Variants in RAI1 observed in about 807,000 individuals in gnomAD.
RAI1 encodes retinoic acid induced 1.
A neutral mutation model predicts 123.8 loss-of-function variants in RAI1; 9 were observed. That is an observed-to-expected ratio of 0.07 (90% CI 0.04 to 0.13). The LOEUF is 0.13. RAI1 is among the 10% of genes least tolerant of loss of function. The pLI is 1.00. For synonymous variants in RAI1, 1,231 were observed against 1,127.3 expected (o/e 1.09, Z -1.84); for missense variants, 2,256 against 2,545.8 (o/e 0.89, Z 2.45).
At chr17:17,767,808 T>A (rs146217958) in intron 2 of RAI1, among the ~76,000 whole-genome samples, 80 of 152,290 alleles carry the variant, frequency 5.3e-4, no homozygotes, top group African/African-American at 1.8e-3. Context: ...ATTCCAGCCT[T>A]GCTACTCACA....
At chr17:17,785,016 C>A (rs1010618249) in intron 2 of RAI1, among the ~76,000 whole-genome samples, 5 of 152,186 alleles carry the variant, frequency 3.3e-5, no homozygotes, top group Non-Finnish European at 7.4e-5. Context: ...CCCCCATGGG[C>A]CCCTGGGTGT....
rs185410313 is a variant in RAI1 at position 17,798,767 on chromosome 17, C to T, written c.5565+254C>T. On this transcript the variant is annotated intron_variant, in intron 3 of 5. Coordinates refer to ENST00000353383, the MANE Select transcript of RAI1 (RefSeq NM_030665.4). ...CGGGGCCCGTATGCCCAGCCACCGC[C>T]ACTCTCCCACTCACCTGGCATCTTC... is the stretch of plus-strand genomic sequence containing the variant. 2.3e-4 allele frequency among the ~76,000 whole-genome samples: 35 copies of T among 152,300 alleles called. No homozygotes were observed. In the East Asian group the frequency reaches 3.7e-3, roughly 16 times the overall value.
intron 2 of RAI1, among the ~76,000 whole-genome samples, chr17:17,744,789 C>CAAAAA (rs58984430): frequency 1.3e-3 from 59 of 46,768 alleles, no homozygotes; most frequent in African/African-American, 4.7e-3. Context: ...GACTCCGTCT[C>CAAAAA]AAAAAAAAAA....
rs1197948621 is a variant in RAI1 at position 17,800,489 on chromosome 17, C to T, written c.5565+1976C>T. On this transcript the variant is annotated intron_variant, in intron 3 of 5. Coordinates refer to ENST00000353383, the MANE Select transcript of RAI1 (RefSeq NM_030665.4). This position sits in a 1 kb window ranked among gnomAD's most constrained non-coding sequence, Gnocchi z 4.7. ...CTGGCCGGCCGAAGGGAGGAGGGGT[C>T]AGCCCCGAGCACCGACCACCCCATC... is the stretch of plus-strand genomic sequence containing the variant. Among the ~76,000 whole-genome samples the T allele has an allele frequency of 1.3e-5, 2 of 152,226 alleles. No homozygotes were observed. Among genetic ancestry groups the T allele is most frequent in the African/African-American group, 2.4e-5 (1 of 41,460 alleles).
chr17:17,803,570 TAG>T (rs2032529476), intron 3 of RAI1, among the ~76,000 whole-genome samples, 184 bp from the exon 4 acceptor site: 1 of 152,096 alleles, frequency 6.6e-6, no homozygotes, highest in African/African-American at 2.4e-5. Context: ...CTATTTTTTG[TAG>T]AGACAGTTTC....
intron 1 of RAI1, among the ~76,000 whole-genome samples, chr17:17,693,169 GC>G (rs1464712572): frequency 1.3e-5 from 2 of 152,198 alleles, no homozygotes; most frequent in Non-Finnish European, 2.9e-5. Context: ...ACCATGTGAC[GC>G]CCCCGTGCAG....
chr17:17,782,929 C>T (rs2031652168), intron 2 of RAI1, among the ~76,000 whole-genome samples: 2 of 152,238 alleles, frequency 1.3e-5, no homozygotes, highest in Admixed American at 6.5e-5. Flanking sequence ...CTGCGCGCCC[C>T]TTGCCGCCGC....
intron 1 of RAI1, among the ~76,000 whole-genome samples, chr17:17,695,380 C>T (rs151197890): frequency 3.1e-4 from 47 of 152,190 alleles, no homozygotes; most frequent in African/African-American, 1.0e-3. Context: ...CACATTCCTA[C>T]CTCCTGAGCT....
At chr17:17,778,585 C>T (rs2031438337) in intron 2 of RAI1, 1 of 373,520 alleles carries the variant, frequency 2.7e-6, no homozygotes, top group Admixed American at 3.3e-5. Context: ...CATTTACAAT[C>T]AGAGTGGGCA....
intron 1 of RAI1, among the ~76,000 whole-genome samples, chr17:17,688,524 C>T (rs1914722749): frequency 1.3e-5 from 2 of 151,954 alleles, no homozygotes; most frequent in Admixed American, 1.3e-4. Context: ...AGTAACAGGC[C>T]CCTCCTGGTT....
At chr17:17,773,791 C>A (rs1003399105) in intron 2 of RAI1, among the ~76,000 whole-genome samples, 1 of 152,176 alleles carries the variant, frequency 6.6e-6, no homozygotes, top group Admixed American at 6.5e-5. Flanking sequence ...CCCTCCTAGC[C>A]CTTCTTCCCC....
chr17:17,785,820 T>A (rs1304794503), intron 2 of RAI1, among the ~76,000 whole-genome samples: 2 of 152,200 alleles, frequency 1.3e-5, no homozygotes, highest in African/African-American at 4.8e-5. Context: ...TGAGCACTGT[T>A]CCTCCTGCTC....
intron 2 of RAI1, among the ~76,000 whole-genome samples, chr17:17,746,331 T>C (rs2029916086): frequency 6.6e-6 from 1 of 152,200 alleles, no homozygotes. Context: ...GCCAACGTTA[T>C]TTTCCTGATT....
At chr17:17,746,474 C>T (rs2029926176) in intron 2 of RAI1, among the ~76,000 whole-genome samples, 1 of 152,160 alleles carries the variant, frequency 6.6e-6, no homozygotes, top group African/African-American at 2.4e-5. Flanking sequence ...GAGGAGCTAC[C>T]ACCGTTCTCT....
At chr17:17,751,692 A>G (rs1321316024) in intron 2 of RAI1, among the ~76,000 whole-genome samples, 1 of 152,172 alleles carries the variant, frequency 6.6e-6, no homozygotes, top group Admixed American at 6.5e-5. Context: ...TCCTGCCTGC[A>G]GTGCTCTTCC....
At chr17:17,789,845 G>A (rs537763849) in intron 2 of RAI1, among the ~76,000 whole-genome samples, 10 of 152,306 alleles carry the variant, frequency 6.6e-5, no homozygotes, top group African/African-American at 1.7e-4. Flanking sequence ...AGTGGGGACC[G>A]TCCGGGCAGT....
chr17:17,781,223 C>T (rs2031569059), intron 2 of RAI1, among the ~76,000 whole-genome samples: 1 of 152,232 alleles, frequency 6.6e-6, no homozygotes, highest in South Asian at 2.1e-4. Context: ...TCTCAGCCCA[C>T]CACTTCCTCC....
chr17:17,764,902 A>G (rs1168824069), intron 2 of RAI1, among the ~76,000 whole-genome samples: 1 of 152,178 alleles, frequency 6.6e-6, no homozygotes, highest in Non-Finnish European at 1.5e-5. Flanking sequence ...CTCTTCTTTT[A>G]CTATTTATGA....
At chr17:17,716,563 T>C (rs1182193051) in intron 1 of RAI1, among the ~76,000 whole-genome samples, 1 of 152,138 alleles carries the variant, frequency 6.6e-6, no homozygotes, top group Non-Finnish European at 1.5e-5. Flanking sequence ...TCTGTGTGCA[T>C]GTGTATGTGG....
Sources: gnomAD v4.1 joint callset for allele counts (sites outside exome capture counted in the v4.1 genomes callset) on GRCh38, gnomAD v4.1.1 for gene constraint, Gnocchi (gnomAD v3.1) non-coding constraint, MANE v1.5 for transcripts, NCBI Gene and HGNC (gene_info 2026-07-23, HGNC 2026-07-21) for gene names.